PCNX2: variants seen among roughly 807,000 people sequenced by gnomAD.
The protein encoded by PCNX2 is pecanex-like protein 2.
A neutral mutation model predicts 223.8 loss-of-function variants in PCNX2; 168 were observed. That is an observed-to-expected ratio of 0.75 (90% CI 0.66 to 0.85). The LOEUF (loss-of-function observed/expected upper bound fraction) is 0.85. Among genes scored for constraint, PCNX2 ranks in the 40% least tolerant of loss-of-function variants. The pLI is 0.00. For missense variants in PCNX2, 2,507 were observed against 2,675.5 expected, an observed-to-expected ratio of 0.94 and a Z score of 1.39; for synonymous variants, 1,006 against 1,052.6, an observed-to-expected ratio of 0.96 and a Z score of 0.86.
At chr1:233,028,553 G>C (rs1182763039) in intron 25 of PCNX2, among the ~76,000 whole-genome samples, 1 of 152,130 alleles carries the variant, frequency 6.6e-6, no homozygotes. Flanking sequence ...CCTATAATTA[G>C]TGTTTGTAAG....
intron 17 of PCNX2, among the ~76,000 whole-genome samples, chr1:233,170,391 T>C (rs779696953): frequency 1.1e-4 from 16 of 152,214 alleles, no homozygotes; most frequent in Non-Finnish European, 1.9e-4. Context: ...AGTTTTCTGA[T>C]GATTAATGAG....
intron 9 of PCNX2, among the ~76,000 whole-genome samples, chr1:233,228,157 C>T (rs1032521156): frequency 3.1e-4 from 47 of 151,988 alleles, no homozygotes; most frequent in African/African-American, 6.3e-4. Flanking sequence ...AAGTGGAGAG[C>T]CTCCTATTGG....
intron 10 of PCNX2, among the ~76,000 whole-genome samples, chr1:233,218,392 G>A (rs1369752703): frequency 2.7e-5 from 4 of 149,882 alleles, no homozygotes; most frequent in Non-Finnish European, 5.9e-5. Context: ...GGGACTACAG[G>A]CACCCGCCAC....
intron 12 of PCNX2, among the ~76,000 whole-genome samples, chr1:233,214,073 C>T (rs969739600): frequency 6.6e-6 from 1 of 151,730 alleles, no homozygotes; most frequent in Non-Finnish European, 1.5e-5. Flanking sequence ...GTGATCCACC[C>T]TCCTCGGCCT....
chr1:233,001,898 C>T lies in PCNX2; in HGVS notation c.4953-217G>A, dbSNP rs1254379227. Among the ~76,000 whole-genome samples the T allele has an allele frequency of 6.6e-6, 1 of 152,184 alleles. No individual in the cohort carries two copies. The highest frequency in any genetic ancestry group is 2.4e-5 in the African/African-American group (1 of 41,456). ...GCTAGTGTCATGGCGTGGGCGTTGT[C>T]TTCAGTCATTTTAGGAGCCACCAAA... On this transcript the variant is annotated intron_variant, in intron 28 of 33. Coordinates refer to ENST00000258229, the MANE Select transcript of PCNX2 (RefSeq NM_014801.4). This position sits in a 1 kb window ranked among gnomAD's most constrained non-coding sequence, Gnocchi z 4.2.
chr1:233,307,422 C>T, the PCNX2 span, among the ~76,000 whole-genome samples: 1 of 152,152 alleles, frequency 6.6e-6, no homozygotes, highest in South Asian at 2.1e-4. Context: ...TGTGACACAC[C>T]AGCTCCCATT....
At chr1:233,035,207 C>G (rs950405238) in intron 25 of PCNX2, among the ~76,000 whole-genome samples, 2 of 152,152 alleles carry the variant, frequency 1.3e-5, no homozygotes, top group Admixed American at 1.3e-4. Context: ...CCATTAAAGT[C>G]GAAACGCACA....
chr1:233,247,948 T>C (rs1659223463), intron 8 of PCNX2, among the ~76,000 whole-genome samples: 1 of 151,488 alleles, frequency 6.6e-6, no homozygotes, highest in Admixed American at 6.6e-5. Context: ...CTAGAACTCT[T>C]AAGACCAACA....
intron 9 of PCNX2, among the ~76,000 whole-genome samples, chr1:233,230,917 T>C (rs1446397509): frequency 6.6e-6 from 1 of 152,214 alleles, no homozygotes; most frequent in East Asian, 1.9e-4. Context: ...TCTTCTGAGA[T>C]ACCTGAGAAA....
At chr1:233,087,445 C>T (rs535158524) in intron 23 of PCNX2, among the ~76,000 whole-genome samples, 3 of 152,230 alleles carry the variant, frequency 2.0e-5, no homozygotes, top group African/African-American at 4.8e-5. Context: ...GGATAAATGA[C>T]GTTAACTGAC....
chr1:233,167,024 C>A (rs1364902425), intron 17 of PCNX2, among the ~76,000 whole-genome samples: 1 of 152,046 alleles, frequency 6.6e-6, no homozygotes, highest in East Asian at 1.9e-4. Context: ...CGTGCCCCAG[C>A]AACCTCTCTT....
intron 12 of PCNX2, among the ~76,000 whole-genome samples, chr1:233,211,091 T>C (rs139143735): frequency 1.2e-3 from 184 of 152,276 alleles, no homozygotes; most frequent in African/African-American, 3.9e-3. Context: ...TGTTCTGTTG[T>C]TGTGAAGTGG....
rs765257735 is a variant in PCNX2 at position 233,160,377 on chromosome 1, A to C, written c.3423T>G (p.His1141Gln). The change falls in exon 19 of 34, where the codon CAT (histidine) becomes CAG (glutamine). Residue 1141 changes from histidine to glutamine, a missense_variant. Physicochemically the swap from His to Gln is conservative, Grantham distance 24. Coordinates refer to ENST00000258229, the MANE Select transcript of PCNX2 (RefSeq NM_014801.4). The stretch of plus-strand genomic sequence containing the variant: ...GCTTGCGGAGCTGAGGGAGCACGTA[A>C]TGTGTTACAAACCCCACGGCTCCAG... The part of the protein sequence containing the change: ...ALAGAVGFVT[H>Q]YVLPQLRKHH... The C allele has an allele frequency of 1.2e-5, 19 of 1,613,348 alleles. No individual in the cohort carries two copies. The highest frequency in any genetic ancestry group is 1.4e-5 in the Non-Finnish European group (17 of 1,179,502).
At position 233,250,753 on chromosome 1, in the gene PCNX2, A is replaced by G; in HGVS notation, c.2208T>C (p.Cys736=). 1 of 1,606,312 alleles carries G rather than the reference A, an allele frequency of 6.2e-7. No homozygotes were observed. ...PLQPLPSNND[C]LSQAREMQVS... ...GCTCCACTCACCGAGCCTGAGAGAG[A>G]CAGTCATTATTTGATGGTAGAGGCT... is the stretch of plus-strand genomic sequence containing the variant. Residue 736 remains cysteine (C), a synonymous_variant, in exon 8 of 34, where the codon TGT becomes TGC. Transcript: ENST00000258229.
intron 26 of PCNX2, among the ~76,000 whole-genome samples, chr1:233,021,042 CTT>C (rs59114694): frequency 2.0e-5 from 3 of 151,362 alleles, no homozygotes; most frequent in Admixed American, 6.6e-5. Flanking sequence ...AGAAAATCAT[CTT>C]TTTTTTTAAC....
At position 233,161,355 on chromosome 1, in the gene PCNX2, G is replaced by C; in HGVS notation, c.3282C>G (p.Val1094=). Residue 1094 remains valine, a synonymous_variant, in exon 18 of 34, where the codon GTC becomes GTG. Coordinates refer to ENST00000258229, the MANE Select transcript of PCNX2 (RefSeq NM_014801.4). ...PKKMKDSVTD[V]LKWDLIVCAV... ...CGCAGACGATGAGATCCCATTTTAA[G>C]ACATCCGTCTGGAAAGAGAAAACCA... 6.2e-7 allele frequency: 1 copy of C among 1,613,746 alleles called. No homozygotes were observed. Among genetic ancestry groups the C allele is most frequent in the South Asian group, 1.1e-5 (1 of 91,026 alleles).
chr1:233,022,608 G>GGAA (rs71693262), intron 26 of PCNX2, among the ~76,000 whole-genome samples: 55,337 of 151,660 alleles, frequency 0.36, 13,173 homozygotes, highest in African/African-American at 0.69. Flanking sequence ...GAGAGATGGG[G>GGAA]GGGGAGTGGG....
chr1:233,048,702 G>A (rs1045573508), intron 25 of PCNX2, among the ~76,000 whole-genome samples: 1 of 152,056 alleles, frequency 6.6e-6, no homozygotes, highest in African/African-American at 2.4e-5. Context: ...TCCATACAAA[G>A]AGTCAACAAA....
At chr1:233,250,607 C>T (rs1659395313) in intron 8 of PCNX2, 132 bp downstream of exon 8, 1 of 1,320,308 alleles carries the variant, frequency 7.6e-7, no homozygotes, top group Non-Finnish European at 9.7e-7. Flanking sequence ...TTCTTTCATA[C>T]AAAACCACAT....
Sources: allele counts gnomAD v4.1 joint callset (sites outside exome capture counted in the v4.1 genomes callset), GRCh38; gene constraint gnomAD v4.1.1; non-coding constraint Gnocchi (gnomAD v3.1); transcripts MANE v1.5; gene names NCBI Gene and HGNC (gene_info 2026-07-23, HGNC 2026-07-21).